The following FGF14 variants were observed in gnomAD, a reference collection of about 807,000 sequenced individuals.
The protein encoded by FGF14 is fibroblast growth factor homologous factor 4.
In FGF14, 5 loss-of-function variants were observed where a neutral mutation model predicts 25.5. The observed-to-expected ratio is 0.20, with a 90% CI of 0.10 to 0.41. The LOEUF (loss-of-function observed/expected upper bound fraction) is 0.41, where lower values mean the gene tolerates loss of function less well. Among genes scored for constraint, FGF14 ranks in the 10% least tolerant of loss-of-function variants. The probability of loss-of-function intolerance (pLI) is 1.00; values close to 1 mark genes in which losing one functional copy is unlikely to be tolerated. For missense variants in FGF14, 222 were observed against 320.1 expected, an observed-to-expected ratio of 0.69 and a Z score of 2.34; for synonymous variants, 138 against 118.3, an observed-to-expected ratio of 1.17 and a Z score of -1.08.
chr13:102,313,374 C>T (rs184962107), intron 1 of FGF14, among the ~76,000 whole-genome samples: 69 of 152,280 alleles, frequency 4.5e-4, no homozygotes, highest in Middle Eastern at 3.4e-3. Flanking sequence ...CACGAGGTAA[C>T]ATTTAAAGTC....
In FGF14 at chr13:101,857,926, C is replaced by T. The variant is rs1260833109; in HGVS notation, c.408+10799G>A. ...AGTTATCACTGAGGGAGTTATTTTG[C>T]CAATTTTTAGTATACAACTTGTGAA... On this transcript the variant is annotated intron_variant, in intron 3 of 4. Transcript: ENST00000376143. Among the ~76,000 whole-genome samples the T allele has an allele frequency of 2.0e-5, 3 of 151,696 alleles. No homozygotes were observed. In the East Asian group the frequency reaches 5.8e-4, roughly 29 times the overall value.
At chr13:102,252,814 C>G (rs1192624369) in intron 1 of FGF14, among the ~76,000 whole-genome samples, 1 of 152,138 alleles carries the variant, frequency 6.6e-6, no homozygotes, top group South Asian at 2.1e-4. Flanking sequence ...TGCTATCCCT[C>G]CCTTAGCTCC....
chr13:102,237,048 T>C (rs565363509), intron 1 of FGF14, among the ~76,000 whole-genome samples: 88 of 152,264 alleles, frequency 5.8e-4, no homozygotes, highest in African/African-American at 2.0e-3. Context: ...TCACAGGTAT[T>C]GCTGGCAAGC....
At chr13:101,763,499 G>A (rs2038176482) in intron 3 of FGF14, among the ~76,000 whole-genome samples, 1 of 152,160 alleles carries the variant, frequency 6.6e-6, no homozygotes, top group Admixed American at 6.5e-5. Context: ...GGAGACATCA[G>A]GAGTGAAATT....
rs58615099 is a variant in FGF14, at chr13:101,816,269, C to CAAAAAAAAAAAAAAAAAAA, written c.408+52455_408+52456insTTTTTTTTTTTTTTTTTTT. ...TGGGGAACAGAGAGAGACTCCGTCT[C>CAAAAAAAAAAAAAAAAAAA]AAAAAAAAAAAAAAAATTTGGCTTA... is the stretch of plus-strand genomic sequence containing the variant. On this transcript the variant is annotated intron_variant, in intron 3 of 4. Coordinates refer to ENST00000376143, the MANE Select transcript of FGF14 (RefSeq NM_004115.4). Among the ~76,000 whole-genome samples, 29 of 89,028 alleles carry CAAAAAAAAAAAAAAAAAAA rather than the reference C, an allele frequency of 3.3e-4. No homozygotes were observed. The East Asian group carries it at 7.5e-3, about 23-fold the overall frequency. The allele number at this position is 89,028 out of a possible 152,430, so 58.4% of individuals were successfully genotyped here. A position where few individuals can be genotyped will look rare whatever the true frequency, so the allele number is the denominator to read the frequency against.
intron 3 of FGF14, among the ~76,000 whole-genome samples, chr13:101,851,210 A>T (rs577528533): frequency 6.6e-6 from 1 of 152,180 alleles, no homozygotes; most frequent in Non-Finnish European, 1.5e-5. Context: ...AGACAGAGAC[A>T]GGCACACAGG....
intron 1 of FGF14, among the ~76,000 whole-genome samples, chr13:101,972,201 T>C (rs982102625): frequency 2.0e-5 from 3 of 152,204 alleles, no homozygotes; most frequent in Non-Finnish European, 4.4e-5. Flanking sequence ...CTCTGTGCTT[T>C]AGTGAGGACA....
chr13:101,747,914 AG>A (rs1353150561), intron 3 of FGF14, among the ~76,000 whole-genome samples: 1 of 152,120 alleles, frequency 6.6e-6, no homozygotes, highest in African/African-American at 2.4e-5. Flanking sequence ...AACCACAATG[AG>A]ATATCATCTT....
intron 2 of FGF14, among the ~76,000 whole-genome samples, chr13:101,871,187 GGCAATGTCACAAA>G (rs2045056117): frequency 6.6e-6 from 1 of 152,020 alleles, no homozygotes; most frequent in Non-Finnish European, 1.5e-5. Context: ...ATAATTATAA[GGCAATGTCACAAA>G]GCCTAGGGGA....
At chr13:101,905,549 T>G (rs983276246) in intron 1 of FGF14, among the ~76,000 whole-genome samples, 1 of 151,862 alleles carries the variant, frequency 6.6e-6, no homozygotes, top group Non-Finnish European at 1.5e-5. Flanking sequence ...CTGGGGCCTG[T>G]TGGGAGGTGG....
chr13:101,883,585 G>C (rs1386595484), intron 1 of FGF14, among the ~76,000 whole-genome samples: 3 of 151,756 alleles, frequency 2.0e-5, no homozygotes, highest in East Asian at 1.9e-4. Flanking sequence ...AAACAATGAG[G>C]CTGTATAAAC....
chr13:102,123,296 C>T (rs2045813343), intron 1 of FGF14, among the ~76,000 whole-genome samples: 3 of 151,990 alleles, frequency 2.0e-5, no homozygotes, highest in Admixed American at 2.0e-4. Context: ...CTTTTAAGCA[C>T]TTTGCTAAGT....
At chr13:101,976,178 T>C (rs1594884311) in intron 1 of FGF14, among the ~76,000 whole-genome samples, 1 of 152,300 alleles carries the variant, frequency 6.6e-6, no homozygotes, top group East Asian at 1.9e-4. Flanking sequence ...TGAAAGGTAA[T>C]TGATCAGTCC....
At chr13:102,143,719 TA>T (rs2046741243) in intron 1 of FGF14, among the ~76,000 whole-genome samples, 1 of 152,186 alleles carries the variant, frequency 6.6e-6, no homozygotes, top group Non-Finnish European at 1.5e-5. Context: ...AAAATTAATT[TA>T]ACCCCGAAGA....
chr13:101,978,959 G>A (rs578155698), intron 1 of FGF14, among the ~76,000 whole-genome samples: 2 of 152,344 alleles, frequency 1.3e-5, no homozygotes, highest in African/African-American at 4.8e-5. Context: ...AAAGCAGAGA[G>A]CCAAAGGAAA....
chr13:102,093,071 G>A (rs780171048), intron 1 of FGF14, among the ~76,000 whole-genome samples: 5 of 152,056 alleles, frequency 3.3e-5, no homozygotes, highest in South Asian at 2.1e-4. Context: ...TGAACAACAC[G>A]GTTTGAACTG....
At chr13:101,927,644 C>A (rs1368557197) in intron 1 of FGF14, among the ~76,000 whole-genome samples, 2 of 152,298 alleles carry the variant, frequency 1.3e-5, no homozygotes, top group East Asian at 3.9e-4. Context: ...TCATAGGTTT[C>A]ATTTCCAGGA....
At chr13:101,966,151 G>C (rs904016998) in intron 1 of FGF14, among the ~76,000 whole-genome samples, 2 of 152,180 alleles carry the variant, frequency 1.3e-5, no homozygotes. Context: ...AAGCTTATTT[G>C]AAAACAGGTT....
intron 1 of FGF14, among the ~76,000 whole-genome samples, chr13:101,937,041 C>T (rs2035147704): frequency 6.6e-6 from 1 of 152,154 alleles, no homozygotes; most frequent in Admixed American, 6.5e-5. Flanking sequence ...AATGCAAACT[C>T]CCCTTGCTAA....
Sources: gnomAD v4.1 joint callset for allele counts (sites outside exome capture counted in the v4.1 genomes callset) on GRCh38, gnomAD v4.1.1 for gene constraint, MANE v1.5 for transcripts, NCBI Gene and HGNC (gene_info 2026-07-23, HGNC 2026-07-21) for gene names.